Variants in SPIC observed in about 807,000 individuals in gnomAD.
SPIC encodes the protein Spi-C transcription factor.
A neutral mutation model predicts 16.7 loss-of-function variants in SPIC; 9 were observed. The ratio of observed to expected loss-of-function variants is 0.54; its 90% CI spans 0.33 to 0.94. The LOEUF is 0.94. Among genes scored for constraint, SPIC ranks in the 40% least tolerant of loss-of-function variants. The pLI is 0.03. For missense variants in SPIC, 241 were observed against 285.8 expected, an observed-to-expected ratio of 0.84 and a Z score of 1.13; for synonymous variants, 97 against 102.9, an observed-to-expected ratio of 0.94 and a Z score of 0.35.
chr12:101,482,893 G>T lies in SPIC; in HGVS notation c.312G>T (p.Gly104=), dbSNP rs544351499. The T allele has an allele frequency of 6.2e-7, 1 of 1,613,724 alleles. No individual in the cohort carries two copies. Among genetic ancestry groups the T allele is most frequent in the South Asian group, 1.1e-5 (1 of 91,028 alleles). ...LVQPTLLQQK[G]GKGRKKLRLF... The stretch of plus-strand genomic sequence containing the variant: ...AACCCACTCTTCTCCAGCAAAAGGG[G>T]GGAAAAGGTACGTTGATCCATCATT... The change falls in exon 5 of 6, where the codon GGG becomes GGT. Residue 104 remains glycine (G), a synonymous_variant. Coordinates refer to ENST00000551346, the MANE Select transcript of SPIC (RefSeq NM_152323.3).
At chr12:101,486,052 C>T (rs1296548402) in intron 5 of SPIC, among the ~76,000 whole-genome samples, 1 of 152,180 alleles carries the variant, frequency 6.6e-6, no homozygotes, top group Non-Finnish European at 1.5e-5. Context: ...CCGCCCTCCT[C>T]GGCCTCCCAA....
chr12:101,486,058 C>G (rs1277905544), intron 5 of SPIC, among the ~76,000 whole-genome samples: 1 of 152,222 alleles, frequency 6.6e-6, no homozygotes, highest in Non-Finnish European at 1.5e-5. Flanking sequence ...TCCTCGGCCT[C>G]CCAAAGTGCT....
At chr12:101,477,867 A>G (rs918225073) in intron 3 of SPIC, among the ~76,000 whole-genome samples, 2 of 152,024 alleles carry the variant, frequency 1.3e-5, no homozygotes, top group Non-Finnish European at 2.9e-5. Flanking sequence ...AAATACAAAA[A>G]TTAGCTAGGC....
intron 2 of SPIC, 45 bp from the exon 3 acceptor site, chr12:101,477,513 A>T: frequency 6.5e-7 from 1 of 1,537,312 alleles, no homozygotes; most frequent in Non-Finnish European, 9.0e-7. Context: ...GATTAAGTTT[A>T]ATTGGTAATT....
intron 3 of SPIC, among the ~76,000 whole-genome samples, chr12:101,479,350 A>AGAAAGAAAGAAG (rs1873113969): frequency 6.6e-6 from 1 of 151,554 alleles, no homozygotes; most frequent in Non-Finnish European, 1.5e-5. Context: ...AAAGAAAGAA[A>AGAAAGAAAGAAG]GAAAGAAATC....
intron 1 of SPIC, among the ~76,000 whole-genome samples, chr12:101,476,492 G>A (rs1038467520): frequency 8.6e-5 from 13 of 151,936 alleles, no homozygotes; most frequent in East Asian, 1.9e-4. Context: ...AAGGTAAAAA[G>A]GATTTTGATT....
Position 101,486,481 on chromosome 12 carries a change from C to A in SPIC, c.457C>A (p.Leu153Ile). The change falls in exon 6 of 6, where the codon CTT becomes ATT. Residue 153 changes from leucine to isoleucine, a missense_variant. Transcript: ENST00000551346. ...AAAAAACAAAGAAAAACTTGCCGAG[C>A]TTTGGGGGAAAAGAAAAGGCAACAG... Reference protein sequence around the residue: ...VSKNKEKLAELWGKRKGNRKT... With the variant: ...VSKNKEKLAEIWGKRKGNRKT... The A allele has an allele frequency of 1.9e-6, 3 of 1,614,084 alleles. No individual in the cohort carries two copies. The highest frequency in any genetic ancestry group is 1.6e-4 in the Middle Eastern group (1 of 6,062).
At position 101,484,601 on chromosome 12, in the gene SPIC, T is replaced by C. The variant is rs922498655; in HGVS notation, c.319+1701T>C. 3.4e-5 allele frequency among the ~76,000 whole-genome samples: 5 copies of C among 146,152 alleles called. 1 individual carries two copies. The East Asian group carries it at 1.0e-3, about 30-fold the overall frequency. On this transcript the variant is annotated intron_variant, in intron 5 of 5. Coordinates refer to ENST00000551346, the MANE Select transcript of SPIC (RefSeq NM_152323.3). ...ATAGATAAATATATAGTTGAGGGAGTCTCTCCGAACCTATTCTGGTTCAAG... is the reference window on the plus strand; with the variant it reads ...ATAGATAAATATATAGTTGAGGGAGCCTCTCCGAACCTATTCTGGTTCAAG...
chr12:101,475,682 C>T (rs528121073), intron 1 of SPIC, among the ~76,000 whole-genome samples, 180 bp downstream of exon 1: 1 of 152,154 alleles, frequency 6.6e-6, no homozygotes, highest in Admixed American at 6.5e-5. Flanking sequence ...GTAATAGCTG[C>T]GATAGTCTTG....
intron 1 of SPIC, 124 bp downstream of exon 1, chr12:101,475,626 A>G (rs1872935311): frequency 6.6e-6 from 1 of 152,158 alleles, no homozygotes; most frequent in African/African-American, 2.4e-5. Context: ...AATCATAGTA[A>G]TCAATAATGT....
intron 4 of SPIC, among the ~76,000 whole-genome samples, chr12:101,481,387 A>G (rs1873191955): frequency 6.6e-6 from 1 of 152,026 alleles, no homozygotes; most frequent in Non-Finnish European, 1.5e-5. Flanking sequence ...TCTGTTGCCC[A>G]GGCCGTAGTG....
At chr12:101,481,066 C>G (rs930315445) in intron 4 of SPIC, among the ~76,000 whole-genome samples, 5 of 152,172 alleles carry the variant, frequency 3.3e-5, no homozygotes, top group Admixed American at 2.6e-4. Context: ...AAAGACAGCT[C>G]AAGCCCAGCC....
chr12:101,486,223 A>T, intron 5 of SPIC, 121 bp from the exon 6 acceptor site: 1 of 890,688 alleles, frequency 1.1e-6, no homozygotes, highest in Non-Finnish European at 1.7e-6. Context: ...AAGGGCAGTG[A>T]GTGGGAGAAA....
chr12:101,485,907 C>T (rs1013185722), intron 5 of SPIC, among the ~76,000 whole-genome samples: 1 of 152,192 alleles, frequency 6.6e-6, no homozygotes, highest in Non-Finnish European at 1.5e-5. Flanking sequence ...GGAGAATCCT[C>T]AGGGGACTGC....
At chr12:101,476,133 A>C (rs1338672205) in intron 1 of SPIC, among the ~76,000 whole-genome samples, 4 of 152,134 alleles carry the variant, frequency 2.6e-5, no homozygotes, top group Admixed American at 2.6e-4. Flanking sequence ...TTTTGGACCC[A>C]CCACAGTTCT....
chr12:101,479,060 C>A (rs549550666), intron 3 of SPIC, among the ~76,000 whole-genome samples: 95 of 150,466 alleles, frequency 6.3e-4, no homozygotes, highest in Admixed American at 1.1e-3. Context: ...TCACTTGAGG[C>A]CAGGAGGCAC....
chr12:101,482,790 A>G lies in SPIC; in HGVS notation c.211-2A>G. The G allele has an allele frequency of 6.2e-7, 1 of 1,610,384 alleles. No individual in the cohort carries two copies. The highest frequency in any genetic ancestry group is 8.5e-7 in the Non-Finnish European group (1 of 1,178,618). On this transcript the variant is annotated splice_acceptor_variant, in intron 4 of 5. Transcript: ENST00000551346. LOFTEE classifies it high-confidence loss of function. ...TAACATCCTGCTTCATTATTTATAT[A>G]GAACAGTGCTGCGGACTTCTATTTT...
chr12:101,479,250 G>GA (rs1411412408), intron 3 of SPIC, among the ~76,000 whole-genome samples: 1 of 91,044 alleles, frequency 1.1e-5, no homozygotes, highest in African/African-American at 5.7e-5. Context: ...GAAAAAGAAA[G>GA]AAAGAAGGAA....
At chr12:101,479,347 G>GAAAGAAAGAAAGAA (rs1565831386) in intron 3 of SPIC, among the ~76,000 whole-genome samples, 45 of 150,186 alleles carry the variant, frequency 3.0e-4, no homozygotes, top group African/African-American at 9.4e-4. Flanking sequence ...AAGAAAGAAA[G>GAAAGAAAGAAAGAA]AAAGAAAGAA....
Sources: allele counts gnomAD v4.1 joint callset (sites outside exome capture counted in the v4.1 genomes callset), GRCh38; gene constraint gnomAD v4.1.1; transcripts MANE v1.5; gene names NCBI Gene and HGNC (gene_info 2026-07-23, HGNC 2026-07-21).